Variants in SELENOF observed in about 807,000 individuals in gnomAD.
SELENOF encodes the protein 15 kDa selenoprotein.
SELENOF carries 16 observed loss-of-function variants against 20.5 expected under a neutral mutation model. The observed-to-expected ratio is 0.78, with a 90% confidence interval of 0.53 to 1.19. The LOEUF is 1.19. Ranked by LOEUF, SELENOF falls within the 50% of genes most tolerant of loss-of-function variation. SELENOF has a pLI of 0.00. For missense variants in SELENOF, 215 were observed against 194.2 expected, an observed-to-expected ratio of 1.11 and a Z score of -0.64; for synonymous variants, 78 against 74.5, an observed-to-expected ratio of 1.05 and a Z score of -0.24.
intron 3 of SELENOF, among the ~76,000 whole-genome samples, chr1:86,880,198 T>C (rs1659030647): frequency 6.6e-6 from 1 of 151,694 alleles, no homozygotes; most frequent in African/African-American, 2.4e-5. Context: ...TGCAGTGGCG[T>C]GATCTCGGCT....
intron 3 of SELENOF, among the ~76,000 whole-genome samples, chr1:86,869,394 A>C (rs1301043633): frequency 6.6e-6 from 1 of 152,222 alleles, no homozygotes; most frequent in African/African-American, 2.4e-5. Context: ...GTGACAAAGA[A>C]AACTTTTATG....
chr1:86,868,653 G>A (rs1021344218), intron 3 of SELENOF, among the ~76,000 whole-genome samples: 1 of 151,774 alleles, frequency 6.6e-6, no homozygotes, highest in Non-Finnish European at 1.5e-5. Flanking sequence ...GTGCCAAACT[G>A]TTTATAGAAA....
chr1:86,905,535 T>G (rs1659806125), intron 1 of SELENOF, among the ~76,000 whole-genome samples: 1 of 152,308 alleles, frequency 6.6e-6, no homozygotes, highest in African/African-American at 2.4e-5. Context: ...TGTGCACAGT[T>G]GTAAAACAGT....
intron 2 of SELENOF, among the ~76,000 whole-genome samples, chr1:86,889,986 CAA>C (rs1270842732): frequency 2.0e-5 from 3 of 152,168 alleles, no homozygotes; most frequent in Admixed American, 6.5e-5. Context: ...TTCACACCAA[CAA>C]AAGTTATTAA....
intron 1 of SELENOF, 95 bp downstream of exon 1, chr1:86,913,933 C>T: frequency 8.4e-7 from 1 of 1,196,824 alleles, no homozygotes; most frequent in South Asian, 1.2e-5. Context: ...CGCAGTCCTC[C>T]CCACCCTTTT....
intron 2 of SELENOF, among the ~76,000 whole-genome samples, chr1:86,896,264 G>C (rs1295753725): frequency 4.0e-5 from 6 of 151,552 alleles, no homozygotes; most frequent in East Asian, 1.9e-4. Flanking sequence ...GGGGGGGAGG[G>C]GGAGGGGCGG....
At chr1:86,903,521 G>A in intron 1 of SELENOF, 73 bp from the exon 2 acceptor site, 2 of 1,202,434 alleles carry the variant, frequency 1.7e-6, no homozygotes, top group Non-Finnish European at 2.2e-6. Flanking sequence ...AGAGAACACG[G>A]GGTTGTCAAA....
intron 3 of SELENOF, among the ~76,000 whole-genome samples, chr1:86,871,586 G>A (rs190201528): frequency 6.6e-6 from 1 of 152,118 alleles, no homozygotes; most frequent in Non-Finnish European, 1.5e-5. Context: ...CAACTGTGCT[G>A]GTGGATCTTC....
intron 2 of SELENOF, among the ~76,000 whole-genome samples, chr1:86,896,680 C>T (rs991373499): frequency 2.6e-5 from 4 of 152,136 alleles, no homozygotes; most frequent in Admixed American, 2.0e-4. Context: ...ATTTGGGATG[C>T]TTATGGCATC....
At position 86,903,320 on chromosome 1, in the gene SELENOF, T is replaced by G. The variant is rs571601463; in HGVS notation, c.213A>C (p.Arg71Ser). Residue 71 changes from arginine to serine, a missense_variant, in exon 2 of 5, where the codon AGA becomes AGC. Physicochemically the swap from Arg to Ser is moderately radical, Grantham distance 110 (BLOSUM62 -1). Transcript: ENST00000331835. ...ATTGTGCTTCCTCCTGACAGCATCC[T>G]CTGCAATCAGGATCCAGCTGAAGCA... Reference protein sequence around the residue: ...FNLLQLDPDCRGCCQEEAQFE... With the variant: ...FNLLQLDPDCSGCCQEEAQFE... The G allele has an allele frequency of 6.1e-5, 99 of 1,612,122 alleles. No homozygotes were observed. The highest frequency in any genetic ancestry group is 8.4e-5 in the Non-Finnish European group (99 of 1,179,150).
chr1:86,881,770 A>T (rs1659076200), intron 2 of SELENOF, among the ~76,000 whole-genome samples: 1 of 152,170 alleles, frequency 6.6e-6, no homozygotes, highest in South Asian at 2.1e-4. Flanking sequence ...CAGTTTGATG[A>T]CTTTGGGCTG....
intron 2 of SELENOF, among the ~76,000 whole-genome samples, chr1:86,900,668 GGAGACA>G (rs1307131327): frequency 6.6e-6 from 1 of 151,884 alleles, no homozygotes; most frequent in Non-Finnish European, 1.5e-5. Context: ...AGAGGGAGAC[GGAGACA>G]GAGACGGAGA....
intron 1 of SELENOF, among the ~76,000 whole-genome samples, chr1:86,912,065 A>C (rs1380094704): frequency 6.6e-6 from 1 of 152,194 alleles, no homozygotes; most frequent in African/African-American, 2.4e-5. Flanking sequence ...ACAACTGGCC[A>C]AAAATGACTA....
intron 2 of SELENOF, among the ~76,000 whole-genome samples, chr1:86,897,321 A>G (rs973159851): frequency 4.6e-5 from 7 of 152,150 alleles, no homozygotes; most frequent in Admixed American, 3.9e-4. Flanking sequence ...ATCCAACAGC[A>G]TTATTTTTTG....
At chr1:86,865,233 C>G (rs1342969763) in intron 4 of SELENOF, among the ~76,000 whole-genome samples, 1 of 148,752 alleles carries the variant, frequency 6.7e-6, no homozygotes, top group African/African-American at 2.6e-5. Context: ...AACAAACAAA[C>G]AAACAAAAAA....
intron 1 of SELENOF, among the ~76,000 whole-genome samples, chr1:86,912,726 C>T (rs72947836): frequency 0.023 from 3,567 of 152,214 alleles, 71 homozygotes; most frequent in African/African-American, 0.049. Context: ...AATCCTGGAA[C>T]CTTTCGGTTT....
At chr1:86,880,807 T>A (rs1659049147) in intron 2 of SELENOF, 82 bp from the exon 3 acceptor site, 1 of 912,332 alleles carries the variant, frequency 1.1e-6, no homozygotes, top group Non-Finnish European at 1.6e-6. Flanking sequence ...TTTCACAGTA[T>A]AAACATTACA....
chr1:86,908,740 G>A (rs1267440236), intron 1 of SELENOF, among the ~76,000 whole-genome samples: 1 of 152,196 alleles, frequency 6.6e-6, no homozygotes, highest in African/African-American at 2.4e-5. Context: ...CTGCTTTTTA[G>A]TGTAGTGCCT....
At chr1:86,880,836 C>G (rs1057291359) in intron 2 of SELENOF, 111 bp from the exon 3 acceptor site, 1 of 634,592 alleles carries the variant, frequency 1.6e-6, no homozygotes, top group Non-Finnish European at 2.5e-6. Flanking sequence ...ATATATAGAT[C>G]AAAGAAATGT....
Sources: allele counts gnomAD v4.1 joint callset (sites outside exome capture counted in the v4.1 genomes callset), GRCh38; gene constraint gnomAD v4.1.1; transcripts MANE v1.5; gene names NCBI Gene and HGNC (gene_info 2026-07-23, HGNC 2026-07-21).